The following HSPBAP1 variants were observed in gnomAD, a reference collection of about 807,000 sequenced individuals.
The protein encoded by HSPBAP1 is HSPB1-associated protein 1.
A neutral mutation model predicts 45.2 loss-of-function variants in HSPBAP1; 27 were observed. That is an observed-to-expected ratio of 0.60 (90% CI 0.44 to 0.82). The LOEUF is 0.82. HSPBAP1 is among the 40% of genes least tolerant of loss of function. The pLI, the probability that HSPBAP1 is intolerant of heterozygous loss-of-function variation, is 0.00. For missense variants in HSPBAP1, 510 were observed against 590.9 expected (o/e 0.86, Z 1.42); for synonymous variants, 204 against 202.7 (o/e 1.01, Z -0.06).
intron 1 of HSPBAP1, among the ~76,000 whole-genome samples, chr3:122,783,037 T>A (rs2107539442): frequency 6.6e-6 from 1 of 152,288 alleles, no homozygotes; most frequent in East Asian, 1.9e-4. Context: ...GTCATCATTC[T>A]AAGTGAGGAG....
rs550188107 is a variant in HSPBAP1 at position 122,787,018 on chromosome 3, G to C, written c.64+6599C>G. On this transcript the variant is annotated intron_variant, in intron 1 of 7. Coordinates refer to ENST00000306103, the MANE Select transcript of HSPBAP1 (RefSeq NM_024610.6). ...CCATGCTAATAATATTTTGCAAAGA[G>C]CTATAAAAATTCTGAAGCAACCTCA... 2.0e-5 allele frequency among the ~76,000 whole-genome samples: 3 copies of C among 152,246 alleles called. No homozygotes were observed. In the East Asian group the frequency reaches 5.8e-4, roughly 29 times the overall value.
intron 3 of HSPBAP1, among the ~76,000 whole-genome samples, chr3:122,765,100 T>C (rs533994856): frequency 1.3e-5 from 2 of 152,146 alleles, no homozygotes; most frequent in Non-Finnish European, 2.9e-5. Context: ...CAAGTTGGAA[T>C]GTAAGAATTA....
At chr3:122,750,701 A>G (rs971240401) in intron 6 of HSPBAP1, among the ~76,000 whole-genome samples, 1 of 152,182 alleles carries the variant, frequency 6.6e-6, no homozygotes, top group Non-Finnish European at 1.5e-5. Flanking sequence ...TGGAGAAATG[A>G]TTGACTTCCA....
chr3:122,782,953 C>A (rs1935537745), intron 1 of HSPBAP1, among the ~76,000 whole-genome samples: 1 of 152,180 alleles, frequency 6.6e-6, no homozygotes, highest in Non-Finnish European at 1.5e-5. Flanking sequence ...CCTTCTTAAG[C>A]CCTCAGTGAA....
chr3:122,783,910 A>C (rs999712484), intron 1 of HSPBAP1, among the ~76,000 whole-genome samples: 2 of 151,418 alleles, frequency 1.3e-5, no homozygotes, highest in East Asian at 3.9e-4. Flanking sequence ...GGCTCACTGC[A>C]AGCTCCGCCT....
At chr3:122,790,347 T>C (rs1315971632) in intron 1 of HSPBAP1, among the ~76,000 whole-genome samples, 1 of 152,232 alleles carries the variant, frequency 6.6e-6, no homozygotes, top group Non-Finnish European at 1.5e-5. Flanking sequence ...CCAGGTTCTC[T>C]GTCATTATTT....
At chr3:122,786,511 G>A (rs1449711545) in intron 1 of HSPBAP1, 3 of 152,094 alleles carry the variant, frequency 2.0e-5, no homozygotes, top group Admixed American at 6.6e-5. Context: ...GGACACAGGC[G>A]ACAGTAACAC....
At chr3:122,747,447 C>T (rs563976217) in intron 6 of HSPBAP1, among the ~76,000 whole-genome samples, 1 of 151,610 alleles carries the variant, frequency 6.6e-6, no homozygotes, top group East Asian at 2.0e-4. Context: ...AAGTGAGGAG[C>T]GTCTCCGCCC....
Position 122,752,579 on chromosome 3 carries a change from AC to A in HSPBAP1, c.825+11del. 1 of 1,518,884 alleles carries A rather than the reference AC, an allele frequency of 6.6e-7. No individual in the cohort carries two copies. The highest frequency in any genetic ancestry group is 8.9e-7 in the Non-Finnish European group (1 of 1,121,836). 94.1% of individuals were successfully genotyped at this position (1,518,884 alleles called of 1,614,324 possible). A position where few individuals can be genotyped will look rare whatever the true frequency, so the allele number is the denominator to read the frequency against. ...CTTACTTAAAAAAAAAAAAAAAACA[AC>A]GAAAAAGTACCAGTTCAATCCATGA... is the stretch of plus-strand genomic sequence containing the variant. On this transcript the variant is annotated intron_variant, in intron 6 of 7. Transcript: ENST00000306103.
chr3:122,768,450 C>T (rs1422279790), intron 3 of HSPBAP1, among the ~76,000 whole-genome samples: 3 of 152,182 alleles, frequency 2.0e-5, no homozygotes. Context: ...CCGACTCAAG[C>T]ACTGTTTAAA....
intron 2 of HSPBAP1, among the ~76,000 whole-genome samples, chr3:122,769,883 G>A (rs1934926735): frequency 6.6e-6 from 1 of 152,220 alleles, no homozygotes; most frequent in African/African-American, 2.4e-5. Context: ...GTTTGGCCAT[G>A]TTGGCCAGGC....
intron 4 of HSPBAP1, among the ~76,000 whole-genome samples, chr3:122,755,734 A>T (rs991022168): frequency 6.6e-6 from 1 of 151,842 alleles, no homozygotes; most frequent in Non-Finnish European, 1.5e-5. Flanking sequence ...TCTTATCTCA[A>T]ATCAAAGTCT....
At chr3:122,775,933 TAGAA>T (rs1326016093) in intron 2 of HSPBAP1, among the ~76,000 whole-genome samples, 1 of 152,210 alleles carries the variant, frequency 6.6e-6, no homozygotes, top group Admixed American at 6.5e-5. Context: ...TATTTGGCAA[TAGAA>T]AGAATTGAAG....
At chr3:122,741,226 T>C (rs1029439532) in intron 6 of HSPBAP1, 113 bp from the exon 7 acceptor site, 8 of 802,576 alleles carry the variant, frequency 1.0e-5, no homozygotes, top group Non-Finnish European at 1.6e-5. Flanking sequence ...AGCTTTGTTA[T>C]AGAAGGAATG....
chr3:122,773,783 C>T (rs74755900), intron 2 of HSPBAP1, among the ~76,000 whole-genome samples: 7,677 of 151,948 alleles, frequency 0.051, 264 homozygotes, highest in Middle Eastern at 0.11. Flanking sequence ...ACAACAGGTG[C>T]ACACCATCAT....
intron 1 of HSPBAP1, among the ~76,000 whole-genome samples, chr3:122,788,356 G>A (rs1287870376): frequency 6.6e-6 from 1 of 152,084 alleles, no homozygotes; most frequent in Non-Finnish European, 1.5e-5. Context: ...TTTTTGCAAC[G>A]TACCTCCAAA....
intron 3 of HSPBAP1, among the ~76,000 whole-genome samples, chr3:122,764,069 T>G (rs1934690173): frequency 6.6e-6 from 1 of 152,386 alleles, no homozygotes; most frequent in African/African-American, 2.4e-5. Flanking sequence ...TCCCTTGCCT[T>G]CCTTCCTATA....
At chr3:122,779,873 A>G (rs1395023526) in intron 1 of HSPBAP1, among the ~76,000 whole-genome samples, 1 of 152,034 alleles carries the variant, frequency 6.6e-6, no homozygotes, top group Non-Finnish European at 1.5e-5. Context: ...TTTTCTTAGT[A>G]CAGAACAAAA....
At chr3:122,760,709 A>T (rs904308686) in intron 3 of HSPBAP1, among the ~76,000 whole-genome samples, 2 of 151,938 alleles carry the variant, frequency 1.3e-5, no homozygotes, top group South Asian at 2.1e-4. Flanking sequence ...TTCTCTCTGC[A>T]TGTAGCCTAT....
Sources: gnomAD v4.1 joint callset for allele counts (sites outside exome capture counted in the v4.1 genomes callset) on GRCh38, gnomAD v4.1.1 for gene constraint, MANE v1.5 for transcripts, NCBI Gene and HGNC (gene_info 2026-07-23, HGNC 2026-07-21) for gene names.